Variants in PPP6R2 observed in about 807,000 individuals in gnomAD.
PPP6R2 encodes serine/threonine-protein phosphatase 6 regulatory subunit 2.
PPP6R2 carries 62 observed loss-of-function variants against 100.2 expected under a neutral mutation model. The ratio of observed to expected loss-of-function variants is 0.62; its 90% CI spans 0.50 to 0.76. The LOEUF is 0.76. Ranked by LOEUF, PPP6R2 falls within the 30% of genes least tolerant of loss-of-function variation. The pLI is 0.00. For missense variants in PPP6R2, 1,142 were observed against 1,276.3 expected, an observed-to-expected ratio of 0.89 and a Z score of 1.60; for synonymous variants, 525 against 514.7, an observed-to-expected ratio of 1.02 and a Z score of -0.27.
chr22:50,384,167 C>T (rs1006691936), intron 2 of PPP6R2, among the ~76,000 whole-genome samples: 41 of 151,976 alleles, frequency 2.7e-4, no homozygotes, highest in African/African-American at 9.2e-4. Flanking sequence ...AGGTGCATTA[C>T]ATAACTCCTG....
intron 17 of PPP6R2, 111 bp from the exon 18 acceptor site, chr22:50,438,063 A>G (rs1343610616): frequency 2.6e-6 from 4 of 1,511,652 alleles, no homozygotes; most frequent in Non-Finnish European, 3.6e-6. Context: ...CCTCCCCTCC[A>G]GCCCGGGGCT....
At chr22:50,385,507 GTT>G (rs71318815) in intron 2 of PPP6R2, among the ~76,000 whole-genome samples, 252 of 131,402 alleles carry the variant, frequency 1.9e-3, no homozygotes, top group Non-Finnish European at 3.4e-3. Context: ...CAGGGATTAA[GTT>G]TTTTTTTTTT....
At chr22:50,405,652 A>G (rs1603259969) in intron 3 of PPP6R2, among the ~76,000 whole-genome samples, 3 of 56,734 alleles carry the variant, frequency 5.3e-5, no homozygotes, top group Non-Finnish European at 7.0e-5. Flanking sequence ...AGGCCTGGAG[A>G]GAGGTGAGAG....
chr22:50,396,353 G>T (rs1306637903), intron 3 of PPP6R2, among the ~76,000 whole-genome samples: 6 of 151,938 alleles, frequency 3.9e-5, no homozygotes, highest in African/African-American at 1.5e-4. Context: ...AAATTTGCTG[G>T]GTGTGGTGGC....
At chr22:50,332,626 CT>C in the PPP6R2 span, among the ~76,000 whole-genome samples, 3,676 of 133,988 alleles carry the variant, frequency 0.027, 53 homozygotes, top group South Asian at 0.035. Flanking sequence ...GGTTTAAATC[CT>C]TTTTTTTTTT....
At chr22:50,383,959 C>T (rs1399286978) in intron 2 of PPP6R2, among the ~76,000 whole-genome samples, 1 of 147,896 alleles carries the variant, frequency 6.8e-6, no homozygotes, top group East Asian at 2.0e-4. Flanking sequence ...TCGCTTCAAC[C>T]CGGGAGATGG....
chr22:50,373,336 G>T (rs1438626733), intron 2 of PPP6R2, among the ~76,000 whole-genome samples: 1 of 149,982 alleles, frequency 6.7e-6, no homozygotes, highest in East Asian at 2.0e-4. Flanking sequence ...CCACCTCCTG[G>T]GTTCATGCCA....
intron 10 of PPP6R2, among the ~76,000 whole-genome samples, chr22:50,425,893 T>A (rs1488250188): frequency 2.6e-5 from 4 of 151,530 alleles, no homozygotes; most frequent in Admixed American, 6.6e-5. Flanking sequence ...TTTTTTTTTT[T>A]AGTTTTAGAA....
At chr22:50,370,331 G>A (rs562050732) in intron 1 of PPP6R2, among the ~76,000 whole-genome samples, 1 of 151,490 alleles carries the variant, frequency 6.6e-6, no homozygotes, top group East Asian at 1.9e-4. Flanking sequence ...ACTGTCACCA[G>A]GGCTGGAGTG....
intron 2 of PPP6R2, chr22:50,393,646 C>CTGCTAACTT: frequency 1.0e-6 from 1 of 957,666 alleles, no homozygotes; most frequent in Non-Finnish European, 1.2e-6. Context: ...GCTGGGAAGT[C>CTGCTAACTT]TGCTAACTTT....
chr22:50,395,546 A>G (rs2056609721), intron 3 of PPP6R2, among the ~76,000 whole-genome samples: 1 of 152,042 alleles, frequency 6.6e-6, no homozygotes, highest in Non-Finnish European at 1.5e-5. Flanking sequence ...TGAGTGAAGA[A>G]TGGTTTTACA....
chr22:50,332,334 C>CA, the PPP6R2 span, among the ~76,000 whole-genome samples: 1 of 151,544 alleles, frequency 6.6e-6, no homozygotes, highest in African/African-American at 2.4e-5. Context: ...TTCACCCCCC[C>CA]ATTCTTCTGC....
chr22:50,429,330 C>T (rs553031779), intron 10 of PPP6R2, among the ~76,000 whole-genome samples: 9 of 152,186 alleles, frequency 5.9e-5, no homozygotes, highest in Admixed American at 1.3e-4. Context: ...CGCACCTGGC[C>T]GTATGTGGAA....
At chr22:50,378,178 T>C (rs1289143996) in intron 2 of PPP6R2, among the ~76,000 whole-genome samples, 1 of 152,228 alleles carries the variant, frequency 6.6e-6, no homozygotes, top group Admixed American at 6.5e-5. Context: ...GATGGCTGAC[T>C]TCTTAAGTGC....
chr22:50,347,320 C>T (rs146939947), intron 1 of PPP6R2, among the ~76,000 whole-genome samples: 51 of 152,150 alleles, frequency 3.4e-4, no homozygotes, highest in Admixed American at 1.4e-3. Context: ...TTTCAGTGCC[C>T]GCTGTCATCA....
At chr22:50,432,126 G>C in intron 11 of PPP6R2, 139 bp from the exon 12 acceptor site, 1 of 742,598 alleles carries the variant, frequency 1.3e-6, no homozygotes, top group Non-Finnish European at 2.3e-6. Flanking sequence ...GGCTGGGGCT[G>C]TGCGTGCGCA....
intron 22 of PPP6R2, among the ~76,000 whole-genome samples, chr22:50,442,699 G>GC: frequency 6.6e-6 from 1 of 152,060 alleles, no homozygotes; most frequent in East Asian, 2.0e-4. Flanking sequence ...ACAGGCATCC[G>GC]CCACCACCAG....
At chr22:50,376,919 C>T (rs186314149) in intron 2 of PPP6R2, among the ~76,000 whole-genome samples, 3 of 151,676 alleles carry the variant, frequency 2.0e-5, no homozygotes, top group Admixed American at 1.3e-4. Flanking sequence ...CCCAGCTACT[C>T]GGGAGGCTGA....
chr22:50,407,278 C>CAGAGGGGT (rs2059105605), intron 4 of PPP6R2, among the ~76,000 whole-genome samples: 1 of 151,898 alleles, frequency 6.6e-6, no homozygotes, highest in African/African-American at 2.4e-5. Context: ...ACCTGGGAGG[C>CAGAGGGGT]AGAGGTTGCA....
Sources: gnomAD v4.1 joint callset for allele counts (sites outside exome capture counted in the v4.1 genomes callset) on GRCh38, gnomAD v4.1.1 for gene constraint, MANE v1.5 for transcripts, NCBI Gene and HGNC (gene_info 2026-07-23, HGNC 2026-07-21) for gene names.